PHACTR2: variants seen among roughly 807,000 people sequenced by gnomAD.
PHACTR2 encodes phosphatase and actin regulator 2.
In PHACTR2, 30 loss-of-function variants were observed where a neutral mutation model predicts 76.0. That is an observed-to-expected ratio of 0.39 (90% CI 0.30 to 0.54). The LOEUF (loss-of-function observed/expected upper bound fraction) is 0.54. Ranked by LOEUF, PHACTR2 falls within the 20% of genes least tolerant of loss-of-function variation. PHACTR2 has a pLI of 0.61. For missense variants in PHACTR2, 696 were observed against 781.1 expected (o/e 0.89, Z 1.30); for synonymous variants, 292 against 292.5 (o/e 1.00, Z 0.02).
chr6:143,752,943 A>T (rs1290005819), intron 3 of PHACTR2, among the ~76,000 whole-genome samples: 5 of 152,004 alleles, frequency 3.3e-5, no homozygotes, highest in African/African-American at 1.2e-4. Flanking sequence ...CACTTTAGAA[A>T]CCCCCAGGAA....
chr6:143,800,411 G>A lies in PHACTR2; in HGVS notation c.1846-6646G>A, dbSNP rs528756261. ...TGAGTAGCTGGGACTACAGGTGCCC[G>A]CCACCATGCCCAGTTAATTTTTTGT... On this transcript the variant is annotated intron_variant, in intron 11 of 12. Transcript: ENST00000440869. The surrounding 1 kb of genome is among the most constrained non-coding windows in gnomAD (Gnocchi z 4.8). 5.3e-5 allele frequency among the ~76,000 whole-genome samples: 8 copies of A among 152,154 alleles called. No homozygotes were observed. The highest frequency in any genetic ancestry group is 4.2e-4 in the South Asian group (2 of 4,812).
rs1779549741 is a variant in PHACTR2 at position 143,765,750 on chromosome 6, C to T, written c.1184C>T (p.Thr395Ile). Residue 395 changes from threonine to isoleucine, a missense_variant, in exon 6 of 13, where the codon ACT becomes ATT. By Grantham distance (89) the Thr-to-Ile change is moderately conservative (BLOSUM62 -1). Around this residue, in one of 2 missense-constraint regions of PHACTR2, gnomAD observed 236 missense variants for 330.2 expected, o/e 0.71. Transcript: ENST00000440869. The surrounding 1 kb of genome is among the most constrained non-coding windows in gnomAD (Gnocchi z 4.1). ...LWAEEPTNRT[T>I]LYSGTGLSVN... Reference sequence around the variant, plus strand: ...GCTGAAGAGCCGACGAACAGAACCACTCTCTACTCAGGCACTGGCTTAAGT... The same window carrying T: ...GCTGAAGAGCCGACGAACAGAACCATTCTCTACTCAGGCACTGGCTTAAGT... 6.2e-7 allele frequency: 1 copy of T among 1,614,218 alleles called. No individual in the cohort carries two copies. The highest frequency in any genetic ancestry group is 8.5e-7 in the Non-Finnish European group (1 of 1,180,022).
rs903015633 is a variant in PHACTR2, at chr6:143,658,706, A to G, written c.13+50384A>G. On this transcript the variant is annotated intron_variant, in intron 1 of 11. Transcript: ENST00000305766. This position sits in a 1 kb window ranked among gnomAD's most constrained non-coding sequence, Gnocchi z 4.1. The stretch of plus-strand genomic sequence containing the variant: ...AACATAGAAAAGGTATAGCAAAACT[A>G]TAGTGTAAAGATTAAAAAACAAACA... 5.9e-5 allele frequency among the ~76,000 whole-genome samples: 9 copies of G among 152,148 alleles called. No homozygotes were observed. The highest frequency in any genetic ancestry group is 2.2e-4 in the African/African-American group (9 of 41,424).
intron 4 of PHACTR2, among the ~76,000 whole-genome samples, chr6:143,759,003 ATCTTG>A (rs1779369934): frequency 6.6e-6 from 1 of 152,226 alleles, no homozygotes; most frequent in Non-Finnish European, 1.5e-5. Context: ...TTAAGGCTCG[ATCTTG>A]TCTTAACACT....
In PHACTR2 at chr6:143,760,655, A is replaced by C. The variant is rs1779420666; in HGVS notation, c.694+15A>C. On this transcript the variant is annotated intron_variant, in intron 5 of 12. Transcript: ENST00000440869. This position sits in a 1 kb window ranked among gnomAD's most constrained non-coding sequence, Gnocchi z 6.4. ...CCGAGAGGCTGGTGAGTATGCCCCC[A>C]GTGCCCTGTGGGGTCACTTCTAGGG... 6.2e-7 allele frequency: 1 copy of C among 1,613,306 alleles called. No individual in the cohort carries two copies. Among genetic ancestry groups the C allele is most frequent in the Non-Finnish European group, 8.5e-7 (1 of 1,179,628 alleles).
chr6:143,736,866 G>A lies in PHACTR2; in HGVS notation c.215-12119G>A, dbSNP rs140895819. Among the ~76,000 whole-genome samples, 63 of 151,646 alleles carry A rather than the reference G, an allele frequency of 4.2e-4. No individual in the cohort carries two copies. In the East Asian group the frequency reaches 8.3e-3, roughly 20 times the overall value. On this transcript the variant is annotated intron_variant, in intron 2 of 12. Coordinates refer to ENST00000440869, the MANE Select transcript of PHACTR2 (RefSeq NM_001100164.2). The stretch of plus-strand genomic sequence containing the variant: ...TGGGATTACTGGCGTGAGCCAACAC[G>A]TCCGGCCTACAAGATATTTTAATCA...
intron 2 of PHACTR2, among the ~76,000 whole-genome samples, chr6:143,712,719 G>T (rs2128461167): frequency 6.6e-6 from 1 of 152,248 alleles, no homozygotes; most frequent in African/African-American, 2.4e-5. Flanking sequence ...CTATATGAAA[G>T]AAAAGTTTTG....
chr6:143,725,308 C>T (rs1260111406), intron 2 of PHACTR2, among the ~76,000 whole-genome samples: 1 of 143,414 alleles, frequency 7.0e-6, no homozygotes, highest in Non-Finnish European at 1.5e-5. Context: ...TCATGACATT[C>T]TCCTGCCTCA....
chr6:143,827,155 A>AATATATATACATAT lies in PHACTR2; in HGVS notation c.*3475_*3476insCATATATATATATA, dbSNP rs1554231995. 1.4e-4 allele frequency: 11 copies of AATATATATACATAT among 77,230 alleles called. No homozygotes were observed. The highest frequency in any genetic ancestry group is 2.4e-4 in the Non-Finnish European group (10 of 41,046). 4.8% of individuals were successfully genotyped at this position (77,230 alleles called of 1,614,324 possible). A position where few individuals can be genotyped will look rare whatever the true frequency, so the allele number is the denominator to read the frequency against. On this transcript the variant is annotated 3_prime_UTR_variant, in exon 13 of 13. Coordinates refer to ENST00000440869, the MANE Select transcript of PHACTR2 (RefSeq NM_001100164.2). Reference sequence around the variant, plus strand: ...GGGCTGCGTTGGCATTAAAAAAGAAAATATATATATATATATATATATATA... The same window carrying AATATATATACATAT: ...GGGCTGCGTTGGCATTAAAAAAGAAAATATATATACATATATATATATATATATATATATATATA...
rs1779159384 is a variant in PHACTR2 at position 143,750,528 on chromosome 6, T to C, written c.295+1463T>C. Among the ~76,000 whole-genome samples the C allele has an allele frequency of 6.6e-6, 1 of 152,192 alleles. No homozygotes were observed. Among genetic ancestry groups the C allele is most frequent in the African/African-American group, 2.4e-5 (1 of 41,454 alleles). ...GAAATATTTTAAAGAAAGTACAAAA[T>C]GGAAAATTTTATGATTGAAACTGTT... On this transcript the variant is annotated intron_variant, in intron 3 of 12. Coordinates refer to ENST00000440869, the MANE Select transcript of PHACTR2 (RefSeq NM_001100164.2). The surrounding 1 kb of genome is among the most constrained non-coding windows in gnomAD (Gnocchi z 4.6).
rs549377677 is a variant in PHACTR2 at position 143,562,259 on chromosome 6, G to A, written c.217+25052G>A. Among the ~76,000 whole-genome samples the A allele has an allele frequency of 6.6e-6, 1 of 152,164 alleles. No individual in the cohort carries two copies. Among genetic ancestry groups the A allele is most frequent in the Non-Finnish European group, 1.5e-5 (1 of 68,042 alleles). On this transcript the variant is annotated intron_variant, in intron 1 of 11. Transcript: ENST00000367584. This position sits in a 1 kb window ranked among gnomAD's most constrained non-coding sequence, Gnocchi z 5.1. ...AGAAAAGAGGTTTAATTAGCTCACAGTTCTGCAGGCTGTACAGGAAGCACG... is the reference window on the plus strand; with the variant it reads ...AGAAAAGAGGTTTAATTAGCTCACAATTCTGCAGGCTGTACAGGAAGCACG...
At chr6:143,693,272 C>T (rs974830998) in intron 1 of PHACTR2, among the ~76,000 whole-genome samples, 1 of 152,012 alleles carries the variant, frequency 6.6e-6, no homozygotes, top group African/African-American at 2.4e-5. Flanking sequence ...GAGTCTTACT[C>T]CATCACCCAG....
rs534773365 is a variant in PHACTR2 at position 143,822,061 on chromosome 6, T to C, written c.1923-1613T>C. On this transcript the variant is annotated intron_variant, in intron 12 of 12. Coordinates refer to ENST00000440869, the MANE Select transcript of PHACTR2 (RefSeq NM_001100164.2). This position sits in a 1 kb window ranked among gnomAD's most constrained non-coding sequence, Gnocchi z 5.5. ...AAAGGGCATTAGCGCAAAAGCCTTT[T>C]TGGGGCAAGTGATTGAAATGGAGAG... Among the ~76,000 whole-genome samples, 3 of 152,252 alleles carry C rather than the reference T, an allele frequency of 2.0e-5. No individual in the cohort carries two copies. In the South Asian group the frequency reaches 6.2e-4, roughly 32 times the overall value.
rs1776400892 is a variant in PHACTR2 at position 143,633,584 on chromosome 6, CTGTGGCT to C, written c.13+25266_13+25272del. Among the ~76,000 whole-genome samples the C allele has an allele frequency of 6.6e-6, 1 of 152,270 alleles. No individual in the cohort carries two copies. Among genetic ancestry groups the C allele is most frequent in the Admixed American group, 6.5e-5 (1 of 15,294 alleles). ...TCTTCTGCAAGTAGTTTTTCCCAGTCTGTGGCTTGTCTTCTCATTATCTTGACATTGT... is the reference window on the plus strand; with the variant it reads ...TCTTCTGCAAGTAGTTTTTCCCAGTCTGTCTTCTCATTATCTTGACATTGT... On this transcript the variant is annotated intron_variant, in intron 1 of 11. Coordinates refer to the PHACTR2 transcript ENST00000305766. This position sits in a 1 kb window ranked among gnomAD's most constrained non-coding sequence, Gnocchi z 4.1.
upstream of PHACTR2, among the ~76,000 whole-genome samples, chr6:143,603,691 G>A (rs868277503): frequency 1.3e-5 from 2 of 152,172 alleles, no homozygotes; most frequent in Middle Eastern, 3.2e-3. Flanking sequence ...ACTGTTTTTG[G>A]TTAATAGTTC....
In PHACTR2 at chr6:143,788,839, G is replaced by C. The variant is rs1198796348; in HGVS notation, c.1774G>C (p.Glu592Gln). 6.2e-7 allele frequency: 1 copy of C among 1,613,774 alleles called. No homozygotes were observed. Among genetic ancestry groups the C allele is most frequent in the Non-Finnish European group, 8.5e-7 (1 of 1,179,676 alleles). ...GATCCTGCGATTTAACGAGTATGTA[G>C]AAGTCACGGATTCTCCTGACTATGA... ...RRILRFNEYVEVTDSPDYDRR... is the reference protein window; with the variant it reads ...RRILRFNEYVQVTDSPDYDRR... Residue 592 changes from glutamate to glutamine, a missense_variant, in exon 11 of 13, where the codon GAA (glutamate) becomes CAA (glutamine). Transcript: ENST00000440869.
rs1380150129 is a variant in PHACTR2 at position 143,738,321 on chromosome 6, G to C, written c.215-10664G>C. Among the ~76,000 whole-genome samples the C allele has an allele frequency of 2.6e-5, 4 of 152,128 alleles. No homozygotes were observed. The highest frequency in any genetic ancestry group is 5.9e-5 in the Non-Finnish European group (4 of 68,026). ...GCCGAGATTGTGACACTGCACTCCA[G>C]CCTGGGCGACAGAGGGAGACTCCAT... On this transcript the variant is annotated intron_variant, in intron 2 of 12. Coordinates refer to ENST00000440869, the MANE Select transcript of PHACTR2 (RefSeq NM_001100164.2). This position sits in a 1 kb window ranked among gnomAD's most constrained non-coding sequence, Gnocchi z 4.0.
rs971190607 is a variant in PHACTR2 at position 143,571,846 on chromosome 6, T to C, written c.217+34639T>C. 6.6e-6 allele frequency among the ~76,000 whole-genome samples: 1 copy of C among 152,214 alleles called. No individual in the cohort carries two copies. Among genetic ancestry groups the C allele is most frequent in the African/African-American group, 2.4e-5 (1 of 41,458 alleles). ...CCTATGAGCCCTGCTTTCAGTATTA[T>C]TTTAATGTTAGATTTATAACGTTCT... On this transcript the variant is annotated intron_variant, in intron 1 of 11. Coordinates refer to the PHACTR2 transcript ENST00000367584. This position sits in a 1 kb window ranked among gnomAD's most constrained non-coding sequence, Gnocchi z 4.6.
rs1424292253 is a variant in PHACTR2, at chr6:143,764,331, G to A, written c.695-930G>A. On this transcript the variant is annotated intron_variant, in intron 5 of 12. Coordinates refer to ENST00000440869, the MANE Select transcript of PHACTR2 (RefSeq NM_001100164.2). The surrounding 1 kb of genome is among the most constrained non-coding windows in gnomAD (Gnocchi z 4.7). The stretch of plus-strand genomic sequence containing the variant: ...GCCCAGGAGTTCAAGACCAGCCTGG[G>A]CAACATGACAAAACCCTGTCTCAAC... 2.6e-5 allele frequency among the ~76,000 whole-genome samples: 4 copies of A among 152,036 alleles called. No individual in the cohort carries two copies. Among genetic ancestry groups the A allele is most frequent in the Non-Finnish European group, 5.9e-5 (4 of 67,996 alleles).
Sources: allele counts gnomAD v4.1 joint callset (sites outside exome capture counted in the v4.1 genomes callset), GRCh38; gene constraint gnomAD v4.1.1; regional missense constraint gnomAD v4.1.1; non-coding constraint Gnocchi (gnomAD v3.1); transcripts MANE v1.5; gene names NCBI Gene and HGNC (gene_info 2026-07-23, HGNC 2026-07-21).